CCSER2: variants seen among roughly 807,000 people sequenced by gnomAD.
CCSER2 encodes the protein serine-rich coiled-coil domain-containing protein 2.
Under a neutral mutation model 92.3 loss-of-function variants are expected in CCSER2, and 46 were observed. The ratio of observed to expected loss-of-function variants is 0.50; its 90% CI spans 0.39 to 0.64. The LOEUF (loss-of-function observed/expected upper bound fraction) is 0.64, where lower values mean the gene tolerates loss of function less well. Ranked by LOEUF, CCSER2 falls within the 30% of genes least tolerant of loss-of-function variation. The pLI is 0.00. For synonymous variants in CCSER2, 433 were observed against 431.4 expected (o/e 1.00, Z -0.04); for missense variants, 1,244 against 1,238.9 (o/e 1.00, Z -0.06).
At chr10:84,426,770 T>A (rs1843457798) in intron 5 of CCSER2, among the ~76,000 whole-genome samples, 1 of 152,204 alleles carries the variant, frequency 6.6e-6, no homozygotes, top group Non-Finnish European at 1.5e-5. Flanking sequence ...ATTCTAAGAT[T>A]CTTTGCAGCA....
chr10:84,469,866 C>T (rs1487182393), intron 7 of CCSER2, among the ~76,000 whole-genome samples: 1 of 152,014 alleles, frequency 6.6e-6, no homozygotes, highest in African/African-American at 2.4e-5. Context: ...GCACATTTAT[C>T]TTTTTTGCTG....
intron 6 of CCSER2, among the ~76,000 whole-genome samples, chr10:84,460,085 C>T (rs1332406780): frequency 2.0e-4 from 24 of 117,938 alleles, no homozygotes; most frequent in Admixed American, 1.7e-3. Context: ...TTTGATTCTT[C>T]GATTTTTTTT....
intron 7 of CCSER2, among the ~76,000 whole-genome samples, chr10:84,468,467 A>G (rs189718452): frequency 1.8e-3 from 271 of 152,362 alleles, no homozygotes; most frequent in Non-Finnish European, 3.0e-3. Context: ...TTATCTGTCA[A>G]TTAAAAGTAA....
chr10:84,343,882 G>T (rs1844336130), intron 1 of CCSER2, among the ~76,000 whole-genome samples: 1 of 152,174 alleles, frequency 6.6e-6, no homozygotes, highest in Non-Finnish European at 1.5e-5. Context: ...CTTGAGACTG[G>T]AATAGACAAA....
At chr10:84,379,956 G>A (rs955566027) in intron 3 of CCSER2, among the ~76,000 whole-genome samples, 4 of 151,892 alleles carry the variant, frequency 2.6e-5, no homozygotes, top group South Asian at 4.2e-4. Context: ...GTGAACATTC[G>A]GATTCAATTC....
intron 5 of CCSER2, among the ~76,000 whole-genome samples, chr10:84,430,424 C>T (rs183829272): frequency 1.8e-3 from 270 of 152,222 alleles, no homozygotes; most frequent in Admixed American, 8.5e-3. Context: ...TTGTTTGTCC[C>T]AATTGATATT....
chr10:84,378,267 G>GT (rs71473610), intron 3 of CCSER2, among the ~76,000 whole-genome samples: 31,759 of 151,656 alleles, frequency 0.21, 3,573 homozygotes, highest in Admixed American at 0.34. Context: ...AGATAATGAA[G>GT]TTTTTTTTGT....
chr10:84,371,435 C>T lies in CCSER2; in HGVS notation c.383C>T (p.Ser128Phe), dbSNP rs547298513. The change falls in exon 2 of 10, where the codon TCC becomes TTC. Residue 128 changes from serine (S) to phenylalanine (F), a missense_variant. Ser to Phe is a radical substitution (Grantham distance 155, BLOSUM62 -2). Coordinates refer to ENST00000372088, the MANE Select transcript of CCSER2 (RefSeq NM_001284240.2). ...TTCACATCAAAGTTAGCAAAGCCAT[C>T]CACTATGTTTGTGTCATCTACAGAG... ...SLFTSKLAKP[S>F]TMFVSSTEEL... 1.2e-6 allele frequency: 2 copies of T among 1,613,630 alleles called. No individual in the cohort carries two copies. The highest frequency in any genetic ancestry group is 2.2e-5 in the East Asian group (1 of 44,870).
At chr10:84,372,826 C>T (rs1846138180) in intron 2 of CCSER2, among the ~76,000 whole-genome samples, 1 of 152,070 alleles carries the variant, frequency 6.6e-6, no homozygotes, top group Non-Finnish European at 1.5e-5. Flanking sequence ...GATAGCATTT[C>T]ATTGCTATTT....
At chr10:84,462,978 A>G (rs1157292405) in intron 6 of CCSER2, among the ~76,000 whole-genome samples, 2 of 152,218 alleles carry the variant, frequency 1.3e-5, no homozygotes, top group Non-Finnish European at 2.9e-5. Flanking sequence ...TCATGAACAA[A>G]TAAGGTGTTG....
intron 1 of CCSER2, among the ~76,000 whole-genome samples, chr10:84,368,636 A>G (rs993671764): frequency 2.6e-5 from 4 of 152,162 alleles, no homozygotes; most frequent in Non-Finnish European, 5.9e-5. Flanking sequence ...TCTAGCTTTT[A>G]TAAAACCATG....
At chr10:84,402,656 C>CA (rs1298124303) in intron 3 of CCSER2, among the ~76,000 whole-genome samples, 3 of 152,222 alleles carry the variant, frequency 2.0e-5, no homozygotes, top group African/African-American at 7.2e-5. Context: ...TTGACATCTT[C>CA]AAAAAACCTA....
intron 3 of CCSER2, among the ~76,000 whole-genome samples, chr10:84,396,314 A>G (rs1194598968): frequency 6.6e-6 from 1 of 150,774 alleles, no homozygotes; most frequent in East Asian, 1.9e-4. Context: ...ACTATATTAT[A>G]TACACACAGT....
intron 6 of CCSER2, among the ~76,000 whole-genome samples, chr10:84,444,429 T>C (rs753724091): frequency 4.6e-5 from 7 of 152,246 alleles, no homozygotes; most frequent in Non-Finnish European, 8.8e-5. Context: ...TTGGACATTC[T>C]TCTAGGTTCT....
At chr10:84,499,898 C>T (rs752847523) in intron 9 of CCSER2, 2 of 1,614,084 alleles carry the variant, frequency 1.2e-6, no homozygotes, top group Non-Finnish European at 1.7e-6. Flanking sequence ...CTCCCTCCTT[C>T]TCTCCTTGGC....
intron 1 of CCSER2, among the ~76,000 whole-genome samples, chr10:84,347,625 G>T (rs915897762): frequency 6.6e-6 from 1 of 152,094 alleles, no homozygotes; most frequent in African/African-American, 2.4e-5. Flanking sequence ...CCCGGATGGG[G>T]TGGCTGCTGG....
chr10:84,486,911 A>G (rs1049167231), intron 9 of CCSER2, among the ~76,000 whole-genome samples: 3 of 152,162 alleles, frequency 2.0e-5, no homozygotes, highest in African/African-American at 7.2e-5. Flanking sequence ...ATCTTGAATT[A>G]ATTTTTGTAT....
intron 9 of CCSER2, among the ~76,000 whole-genome samples, chr10:84,479,773 T>C (rs979262749): frequency 2.0e-5 from 3 of 152,218 alleles, no homozygotes; most frequent in Non-Finnish European, 2.9e-5. Context: ...AAGTGACTTA[T>C]GCAAGTGTTT....
chr10:84,430,333 A>G (rs1036698547), intron 5 of CCSER2, among the ~76,000 whole-genome samples: 10 of 152,094 alleles, frequency 6.6e-5, no homozygotes, highest in African/African-American at 2.4e-4. Context: ...CTCTATTCCC[A>G]AGACTATATT....
Sources: allele counts gnomAD v4.1 joint callset (sites outside exome capture counted in the v4.1 genomes callset), GRCh38; gene constraint gnomAD v4.1.1; transcripts MANE v1.5; gene names NCBI Gene and HGNC (gene_info 2026-07-23, HGNC 2026-07-21).